The following GLUD1 variants were observed in gnomAD, a reference collection of about 807,000 sequenced individuals.
GLUD1 encodes glutamate dehydrogenase 1, mitochondrial.
Under a neutral mutation model 56.0 loss-of-function variants are expected in GLUD1, and 22 were observed. That is an observed-to-expected ratio of 0.39 (90% CI 0.28 to 0.56). GLUD1 has a LOEUF of 0.56. GLUD1 is among the 20% of genes least tolerant of loss of function. GLUD1 has a pLI of 0.58. For synonymous variants in GLUD1, 223 were observed against 269.9 expected (o/e 0.83, Z 1.70); for missense variants, 451 against 732.0 (o/e 0.62, Z 4.43).
At chr10:87,080,454 A>G (rs1336070225) in intron 1 of GLUD1, among the ~76,000 whole-genome samples, 1 of 149,944 alleles carries the variant, frequency 6.7e-6, no homozygotes, top group Non-Finnish European at 1.5e-5. Flanking sequence ...GAAAGTGAGG[A>G]GCGTCTCTGC....
intron 4 of GLUD1, among the ~76,000 whole-genome samples, chr10:87,071,238 G>A (rs1314233681): frequency 2.0e-5 from 3 of 151,960 alleles, no homozygotes; most frequent in South Asian, 2.1e-4. Context: ...TGCTGCCCAG[G>A]CTGGAGTACA....
intron 1 of GLUD1, chr10:87,089,910 C>T (rs1211390429): frequency 6.3e-6 from 1 of 158,142 alleles, no homozygotes; most frequent in Non-Finnish European, 1.4e-5. Context: ...CTTCACTTTT[C>T]ATTTTGTAAC....
Position 87,051,617 on chromosome 10 carries a change from T to C in GLUD1, c.*134A>G. On this transcript the variant is annotated 3_prime_UTR_variant, in exon 13 of 13. Transcript: ENST00000277865. ...TTTCTCCTTAACGGGCTGACTTGGA[T>C]TGACTTGTTGAGAATGGTATCCATT... is the stretch of plus-strand genomic sequence containing the variant. 2.0e-6 allele frequency: 2 copies of C among 1,014,716 alleles called. No homozygotes were observed. Among genetic ancestry groups the C allele is most frequent in the South Asian group, 1.3e-5 (1 of 78,400 alleles). 62.9% of individuals were successfully genotyped at this position (1,014,716 alleles called of 1,614,324 possible).
At chr10:87,091,685 C>T in intron 1 of GLUD1, 1 of 358,912 alleles carries the variant, frequency 2.8e-6, no homozygotes, top group Non-Finnish European at 3.9e-6. Context: ...AAAAAGTACA[C>T]ATCAGCCACC....
intron 1 of GLUD1, among the ~76,000 whole-genome samples, chr10:87,085,940 G>A (rs1248298842): frequency 6.6e-6 from 1 of 152,100 alleles, no homozygotes; most frequent in South Asian, 2.1e-4. Context: ...TCTTGGAATC[G>A]GAAATGATGC....
At chr10:87,080,958 C>T (rs1365059868) in intron 1 of GLUD1, among the ~76,000 whole-genome samples, 3 of 147,170 alleles carry the variant, frequency 2.0e-5, no homozygotes, top group South Asian at 4.3e-4. Flanking sequence ...CCAGCCGCTC[C>T]GAGAGGGAGG....
chr10:87,061,876 C>T (rs1286750824), intron 6 of GLUD1, among the ~76,000 whole-genome samples: 4 of 152,268 alleles, frequency 2.6e-5, no homozygotes, highest in Middle Eastern at 3.4e-3. Flanking sequence ...CTCCACCTCC[C>T]GGGTTCAAGT....
intron 1 of GLUD1, among the ~76,000 whole-genome samples, chr10:87,092,958 T>C (rs1444993748): frequency 6.6e-6 from 1 of 152,214 alleles, no homozygotes. Flanking sequence ...GTACATTTTA[T>C]ACAATTTTGA....
chr10:87,091,860 G>GT (rs1215054814), intron 1 of GLUD1, among the ~76,000 whole-genome samples: 4,686 of 145,454 alleles, frequency 0.032, 238 homozygotes, highest in African/African-American at 0.11. Flanking sequence ...GGCAGATGAG[G>GT]TTTTTTTTTT....
chr10:87,086,451 A>C (rs186012256), intron 1 of GLUD1, among the ~76,000 whole-genome samples: 50 of 152,264 alleles, frequency 3.3e-4, no homozygotes, highest in African/African-American at 1.1e-3. Flanking sequence ...GCTATTAACT[A>C]TAACTTCATT....
rs1051535947 is a variant in GLUD1, at chr10:87,068,070, C to T, written c.734G>A (p.Gly245Glu). 5.6e-6 allele frequency: 9 copies of T among 1,596,662 alleles called. No homozygotes were observed. Among genetic ancestry groups the T allele is most frequent in the South Asian group, 1.1e-5 (1 of 90,740 alleles). ...WIADTYASTI[G>E]HYDINAHACV... ...CTTCCAGTGGGTACTCACATAGTGCCCTATGGTGCTGGCATAGGTATCAGC... is the reference window on the plus strand; with the variant it reads ...CTTCCAGTGGGTACTCACATAGTGCTCTATGGTGCTGGCATAGGTATCAGC... Residue 245 changes from glycine (G) to glutamate (E), a missense_variant, in exon 5 of 13, where the codon GGG (glycine) becomes GAG (glutamate). By Grantham distance (98) the Gly-to-Glu change is moderately conservative (BLOSUM62 -2). This residue lies in a region of GLUD1 where 248 missense variants were observed against 460.0 expected (regional missense o/e 0.54). Coordinates refer to ENST00000277865, the MANE Select transcript of GLUD1 (RefSeq NM_005271.5).
At chr10:87,077,120 C>T (rs765873422) in intron 1 of GLUD1, among the ~76,000 whole-genome samples, 1 of 152,044 alleles carries the variant, frequency 6.6e-6, no homozygotes, top group Non-Finnish European at 1.5e-5. Context: ...AGGTAATCCT[C>T]CCACCTCAGC....
At chr10:87,064,463 A>C (rs1846023009) in intron 5 of GLUD1, among the ~76,000 whole-genome samples, 1 of 152,242 alleles carries the variant, frequency 6.6e-6, no homozygotes. Flanking sequence ...TGGCAAAAGT[A>C]TAAAATAATA....
rs779746225 is a variant in GLUD1, at chr10:87,051,714, T to C, written c.*37A>G. The C allele has an allele frequency of 1.5e-5, 24 of 1,608,922 alleles. No homozygotes were observed. The African/African-American group carries it at 2.9e-4, about 20-fold the overall frequency. On this transcript the variant is annotated 3_prime_UTR_variant, in exon 13 of 13. Coordinates refer to ENST00000277865, the MANE Select transcript of GLUD1 (RefSeq NM_005271.5). ...TTGTGATAGGTCTGCAGAAGTTACA[T>C]GTGAAGAGGATAGTGAGGAAGTCAG...
At chr10:87,073,629 T>G in intron 4 of GLUD1, among the ~76,000 whole-genome samples, 1 of 140,798 alleles carries the variant, frequency 7.1e-6, no homozygotes, top group African/African-American at 2.7e-5. Flanking sequence ...TTTTTTTTTT[T>G]TTTTTTTGAG....
intron 1 of GLUD1, among the ~76,000 whole-genome samples, chr10:87,088,103 A>C (rs1387514037): frequency 1.3e-5 from 2 of 151,774 alleles, no homozygotes; most frequent in Non-Finnish European, 2.9e-5. Context: ...AAACAAAAAA[A>C]CAAATAAACA....
intron 4 of GLUD1, among the ~76,000 whole-genome samples, chr10:87,074,197 G>A (rs1846319093): frequency 6.6e-6 from 1 of 152,088 alleles, no homozygotes; most frequent in Non-Finnish European, 1.5e-5. Flanking sequence ...TTTGGCAAAA[G>A]CTCCTATAAC....
At chr10:87,078,836 A>G (rs1841125901) in intron 1 of GLUD1, among the ~76,000 whole-genome samples, 2 of 152,182 alleles carry the variant, frequency 1.3e-5, no homozygotes. Flanking sequence ...TGAATACAGT[A>G]AATAATAATA....
intron 1 of GLUD1, among the ~76,000 whole-genome samples, chr10:87,093,122 C>G (rs186744793): frequency 3.0e-4 from 45 of 152,312 alleles, no homozygotes; most frequent in South Asian, 2.1e-4. Context: ...CTTTGTCCCC[C>G]CTGCTGGGAA....
Sources: gnomAD v4.1 joint callset for allele counts (sites outside exome capture counted in the v4.1 genomes callset) on GRCh38, gnomAD v4.1.1 for gene constraint, gnomAD v4.1.1 regional missense constraint, MANE v1.5 for transcripts, NCBI Gene and HGNC (gene_info 2026-07-23, HGNC 2026-07-21) for gene names.